Variants in AFTPH observed in about 807,000 individuals in gnomAD.
AFTPH encodes the protein aftiphilin protein.
Under a neutral mutation model 72.5 loss-of-function variants are expected in AFTPH, and 7 were observed. That is an observed-to-expected ratio of 0.10 (90% CI 0.05 to 0.18). The LOEUF is 0.18. AFTPH is among the 10% of genes least tolerant of loss of function. AFTPH has a pLI of 1.00. For missense variants in AFTPH, 979 were observed against 1,060.5 expected, an observed-to-expected ratio of 0.92 and a Z score of 1.07; for synonymous variants, 337 against 370.1, an observed-to-expected ratio of 0.91 and a Z score of 1.03.
At chr2:64,569,440 T>G (rs1314741806) in intron 4 of AFTPH, among the ~76,000 whole-genome samples, 183 bp from the exon 5 acceptor site, 1 of 152,260 alleles carries the variant, frequency 6.6e-6, no homozygotes, top group Non-Finnish European at 1.5e-5. Context: ...GTAGTTTTTC[T>G]TAAATATAAA....
chr2:64,591,851 A>G (rs371168162), intron 8 of AFTPH, 37 bp from the exon 10 acceptor site: 1 of 1,607,532 alleles, frequency 6.2e-7, no homozygotes, highest in African/African-American at 1.3e-5. Context: ...CAGCAAAGTC[A>G]CATTAACACA....
intron 1 of AFTPH, among the ~76,000 whole-genome samples, chr2:64,530,888 C>T (rs1227583292): frequency 6.6e-6 from 1 of 151,668 alleles, no homozygotes; most frequent in Non-Finnish European, 1.5e-5. Flanking sequence ...ATGGTAAAAC[C>T]CCGTCTCTAC....
intron 7 of AFTPH, among the ~76,000 whole-genome samples, chr2:64,584,620 G>A (rs1226223790): frequency 3.6e-5 from 4 of 110,204 alleles, no homozygotes; most frequent in Non-Finnish European, 5.2e-5. Context: ...TTTTTGAGAC[G>A]CAGTCTTGTT....
intron 1 of AFTPH, among the ~76,000 whole-genome samples, chr2:64,545,899 TG>T (rs1273445122): frequency 6.6e-6 from 1 of 151,910 alleles, no homozygotes; most frequent in African/African-American, 2.4e-5. Flanking sequence ...TGTTTCGTTT[TG>T]TTTTTTTAAT....
intron 7 of AFTPH, chr2:64,579,862 T>G (rs1673064594): frequency 4.4e-6 from 1 of 226,006 alleles, no homozygotes; most frequent in Non-Finnish European, 8.5e-6. Context: ...ACCTTGAATT[T>G]TTTTCTGTAA....
At chr2:64,526,026 A>G (rs1669241585) in intron 1 of AFTPH, among the ~76,000 whole-genome samples, 1 of 152,226 alleles carries the variant, frequency 6.6e-6, no homozygotes, top group African/African-American at 2.4e-5. Flanking sequence ...TAAATCTTCA[A>G]AAACCTCTGG....
At chr2:64,553,285 A>C (rs756442392) in exon 2 of AFTPH, 5 of 1,614,144 alleles carry the variant, frequency 3.1e-6, no homozygotes, top group Non-Finnish European at 3.4e-6. Context: ...GAAGCCTGGC[A>C]GTCACATAGG....
chr2:64,575,153 G>A (rs1040827849), intron 6 of AFTPH, among the ~76,000 whole-genome samples: 2 of 152,110 alleles, frequency 1.3e-5, no homozygotes, highest in African/African-American at 4.8e-5. Flanking sequence ...TGATCTTACT[G>A]TGTATTTCAT....
intron 8 of AFTPH, among the ~76,000 whole-genome samples, chr2:64,588,823 C>T (rs1401039356): frequency 6.6e-6 from 1 of 152,024 alleles, no homozygotes; most frequent in Admixed American, 6.6e-5. Context: ...TGAGCTCAAG[C>T]GATCTCCCTC....
chr2:64,552,908 T>G lies in AFTPH; in HGVS notation c.1434T>G (p.Phe478Leu), dbSNP rs767064433. ...ATTTTAGTGAACCAGGTGATGACTT[T>G]GGAGAATTTGGGGATATAAATGCTG... is the stretch of plus-strand genomic sequence containing the variant. The change falls in exon 2 of 9, where the codon TTT (phenylalanine) becomes TTG (leucine). Residue 478 changes from phenylalanine to leucine, a missense_variant. Physicochemically the swap from Phe to Leu is conservative, Grantham distance 22 (BLOSUM62 0). Around this residue, in one of 3 missense-constraint regions of AFTPH, gnomAD observed 438 missense variants for 530.0 expected, o/e 0.83. Coordinates refer to ENST00000238856, the Ensembl canonical transcript of AFTPH. 5 of 1,614,044 alleles carry G rather than the reference T, an allele frequency of 3.1e-6. No individual in the cohort carries two copies. The highest frequency in any genetic ancestry group is 4.2e-6 in the Non-Finnish European group (5 of 1,180,030).
intron 1 of AFTPH, chr2:64,525,500 C>T (rs940167130): frequency 1.9e-5 from 3 of 154,234 alleles, no homozygotes; most frequent in East Asian, 1.9e-4. Context: ...GTAATGGTTC[C>T]GTTTCAAAGT....
At chr2:64,546,514 C>T (rs1255532823) in intron 1 of AFTPH, among the ~76,000 whole-genome samples, 1 of 151,874 alleles carries the variant, frequency 6.6e-6, no homozygotes, top group Non-Finnish European at 1.5e-5. Context: ...GTATAAGTAA[C>T]ACATTTATTC....
chr2:64,553,053 A>G, exon 2 of AFTPH: 1 of 1,614,188 alleles, frequency 6.2e-7, no homozygotes, highest in Non-Finnish European at 8.5e-7. Flanking sequence ...ACCTGTTGCA[A>G]AACTTAAAAA....
intron 5 of AFTPH, among the ~76,000 whole-genome samples, chr2:64,569,932 G>T (rs1672316174): frequency 6.6e-6 from 1 of 152,112 alleles, no homozygotes; most frequent in Non-Finnish European, 1.5e-5. Context: ...ATATATAACT[G>T]TAAAATGCAC....
chr2:64,538,083 GAGTA>G (rs752475209), intron 1 of AFTPH, among the ~76,000 whole-genome samples: 2 of 152,120 alleles, frequency 1.3e-5, no homozygotes, highest in Non-Finnish European at 2.9e-5. Context: ...AGTACATAGA[GAGTA>G]AGGGTAAATA....
intron 3 of AFTPH, 132 bp from the exon 4 acceptor site, chr2:64,568,960 A>G: frequency 1.0e-6 from 1 of 983,018 alleles, no homozygotes; most frequent in South Asian, 1.3e-5. Flanking sequence ...ATTTCATTCA[A>G]ATAGTTATAC....
exon 2 of AFTPH, chr2:64,552,305 A>G: frequency 6.2e-7 from 1 of 1,614,146 alleles, no homozygotes; most frequent in Non-Finnish European, 8.5e-7. Context: ...ATTCTGTAAA[A>G]GAAGTGGCTT....
chr2:64,571,066 CTTTT>C lies in AFTPH; in HGVS notation c.2271+1392_2271+1395del, dbSNP rs554369765. 3.0e-4 allele frequency among the ~76,000 whole-genome samples: 45 copies of C among 151,736 alleles called. 1 individual carries two copies. The highest frequency in any genetic ancestry group is 3.4e-3 in the Middle Eastern group (1 of 292). On this transcript the variant is annotated intron_variant, in intron 5 of 8. Transcript: ENST00000238856. ...CTTTGTGATATCTTTCATTTAGAAA[CTTTT>C]TTTTAATATCAAGTTTTAATTATAG...
chr2:64,562,529 T>C (rs1406369267), intron 2 of AFTPH, among the ~76,000 whole-genome samples: 1 of 152,188 alleles, frequency 6.6e-6, no homozygotes, highest in Non-Finnish European at 1.5e-5. Context: ...CTATACTTCC[T>C]GGGTAGGAAC....
Sources: allele counts gnomAD v4.1 joint callset (sites outside exome capture counted in the v4.1 genomes callset), GRCh38; gene constraint gnomAD v4.1.1; regional missense constraint gnomAD v4.1.1; transcripts MANE v1.5; gene names NCBI Gene and HGNC (gene_info 2026-07-23, HGNC 2026-07-21).